TG: variants seen among roughly 807,000 people sequenced by gnomAD.
TG encodes the protein thyroglobulin, also known as thyroid hormones.
TG carries 270 observed loss-of-function variants against 324.7 expected under a neutral mutation model. The ratio of observed to expected loss-of-function variants is 0.83; its 90% CI spans 0.75 to 0.92. TG has a LOEUF of 0.92. Ranked by LOEUF, TG falls within the 40% of genes least tolerant of loss-of-function variation. The pLI, the probability that TG is intolerant of heterozygous loss-of-function variation, is 0.00. For missense variants in TG, 3,591 were observed against 3,456.4 expected (o/e 1.04, Z -0.98); for synonymous variants, 1,401 against 1,327.0 (o/e 1.06, Z -1.21).
chr8:132,977,364 A>G (rs537852862), intron 34 of TG, among the ~76,000 whole-genome samples: 2 of 152,254 alleles, frequency 1.3e-5, no homozygotes, highest in South Asian at 4.1e-4. Flanking sequence ...AATATTTTCA[A>G]TAATAGATTT....
rs116387022 is a variant in TG, at chr8:133,078,459, C to T, written c.7240-16585C>T. On this transcript the variant is annotated intron_variant, in intron 41 of 47. Transcript: ENST00000220616. ...CCACCCTAACCATTCCTCTCTCAACCATTTTCCATACTGTTCCTCAGTGAT... is the reference window on the plus strand; with the variant it reads ...CCACCCTAACCATTCCTCTCTCAACTATTTTCCATACTGTTCCTCAGTGAT... Among the ~76,000 whole-genome samples, 690 of 152,342 alleles carry T rather than the reference C, an allele frequency of 4.5e-3. 8 individuals carry two copies. The highest frequency in any genetic ancestry group is 0.016 in the African/African-American group (662 of 41,566).
chr8:133,056,616 T>A (rs1437058112), intron 41 of TG, among the ~76,000 whole-genome samples: 1 of 152,210 alleles, frequency 6.6e-6, no homozygotes, highest in Non-Finnish European at 1.5e-5. Context: ...TCATTTAAGC[T>A]TCTTGTACCT....
chr8:132,941,341 T>C lies in TG; in HGVS notation c.5042-10T>C, dbSNP rs372116376. 1 of 1,614,212 alleles carries C rather than the reference T, an allele frequency of 6.2e-7. No homozygotes were observed. The highest frequency in any genetic ancestry group is 2.2e-5 in the East Asian group (1 of 44,884). On this transcript the variant is annotated splice_polypyrimidine_tract_variant and intron_variant, in intron 25 of 47. Transcript: ENST00000220616. Reference sequence around the variant, plus strand: ...AGGTCTTTTAAAATTTTGTTCTGCCTTTCCCCCAGGCCAAGGATCCACCAC... The same window carrying C: ...AGGTCTTTTAAAATTTTGTTCTGCCCTTCCCCCAGGCCAAGGATCCACCAC...
chr8:133,091,387 A>G (rs1257601321), intron 41 of TG, among the ~76,000 whole-genome samples: 3 of 152,146 alleles, frequency 2.0e-5, no homozygotes, highest in Non-Finnish European at 4.4e-5. Context: ...GGCGGAGTCC[A>G]TCCAGAGGAC....
chr8:132,928,943 C>T (rs1822282754), intron 22 of TG, 133 bp from the exon 23 acceptor site: 3 of 769,192 alleles, frequency 3.9e-6, no homozygotes, highest in Admixed American at 3.6e-5. Context: ...AAAGGAATTG[C>T]TTTTCCTGGG....
At chr8:132,942,994 C>G (rs531870938) in intron 26 of TG, among the ~76,000 whole-genome samples, 2 of 152,150 alleles carry the variant, frequency 1.3e-5, no homozygotes, top group Non-Finnish European at 2.9e-5. Context: ...GGTATCACCT[C>G]GAGGACTGTT....
chr8:132,952,382 T>C (rs1430528534), intron 27 of TG, among the ~76,000 whole-genome samples: 3 of 152,194 alleles, frequency 2.0e-5, no homozygotes, highest in Non-Finnish European at 4.4e-5. Flanking sequence ...ACCTTCAGCC[T>C]CAGGGCCTCC....
Position 133,013,740 on chromosome 8 carries a change from G to T in TG, c.6538G>T (p.Ala2180Ser). Residue 2180 changes from alanine (A) to serine (S), a missense_variant, in exon 37 of 48, where the codon GCC becomes TCC. Physicochemically the swap from Ala to Ser is moderately conservative, Grantham distance 99 (BLOSUM62 1). Coordinates refer to ENST00000220616, the MANE Select transcript of TG (RefSeq NM_003235.5). ...QNCRLLLREE[A>S]THIYRKPGIS... is the part of the protein sequence containing the mutation. Reference sequence around the variant, plus strand: ...CTGCCGACTTCTGCTTCGTGAAGAGGCCACCCACATCTACCGGAAGCCAGG... The same window carrying T: ...CTGCCGACTTCTGCTTCGTGAAGAGTCCACCCACATCTACCGGAAGCCAGG... The T allele has an allele frequency of 6.2e-7, 1 of 1,612,184 alleles. No homozygotes were observed. The highest frequency in any genetic ancestry group is 1.1e-5 in the South Asian group (1 of 91,068).
intron 41 of TG, chr8:133,050,094 C>T: frequency 1.2e-6 from 1 of 809,934 alleles, no homozygotes; most frequent in Non-Finnish European, 2.2e-6. Context: ...TGGAACATTC[C>T]TCTTTTAAGA....
At chr8:132,988,692 C>G (rs1480002648) in intron 35 of TG, 1 of 984,692 alleles carries the variant, frequency 1.0e-6, no homozygotes, top group Non-Finnish European at 1.2e-6. Context: ...GACAAATGTA[C>G]ATTGCATCTT....
intron 41 of TG, among the ~76,000 whole-genome samples, chr8:133,061,827 A>T (rs947387674): frequency 1.3e-5 from 2 of 152,196 alleles, no homozygotes; most frequent in African/African-American, 4.8e-5. Flanking sequence ...CTCTCAGAGC[A>T]AGGCCCTCCC....
At chr8:132,890,959 GA>G (rs1341152715) in intron 10 of TG, among the ~76,000 whole-genome samples, 1 of 152,204 alleles carries the variant, frequency 6.6e-6, no homozygotes, top group Non-Finnish European at 1.5e-5. Context: ...TGTATGATGG[GA>G]AGACAGTCAG....
chr8:133,024,346 CTTTCTTTCTT>C (rs1227926579), intron 40 of TG, among the ~76,000 whole-genome samples: 1 of 121,148 alleles, frequency 8.3e-6, no homozygotes, highest in African/African-American at 3.6e-5. Flanking sequence ...TTCTTTCTTT[CTTTCTTTCTT>C]TCTTTCTTTC....
intron 43 of TG, among the ~76,000 whole-genome samples, chr8:133,097,198 G>A (rs1588087762): frequency 2.0e-5 from 3 of 152,316 alleles, no homozygotes; most frequent in East Asian, 1.9e-4. Context: ...CAGTCTAACC[G>A]GAATTTTATT....
intron 39 of TG, among the ~76,000 whole-genome samples, chr8:133,020,929 A>C (rs1835504079): frequency 1.3e-5 from 2 of 152,286 alleles, no homozygotes; most frequent in South Asian, 4.1e-4. Flanking sequence ...GTCTGAGGCC[A>C]TCATATGTGG....
At chr8:133,088,949 A>C (rs192475029) in intron 41 of TG, among the ~76,000 whole-genome samples, 1 of 152,250 alleles carries the variant, frequency 6.6e-6, no homozygotes, top group African/African-American at 2.4e-5. Context: ...TGTTTAAAAA[A>C]AGTCCATCTG....
At chr8:133,030,223 C>T (rs6998833) in intron 41 of TG, among the ~76,000 whole-genome samples, 200 bp downstream of exon 41, 22,674 of 152,146 alleles carry the variant, frequency 0.15, 2,018 homozygotes, top group African/African-American at 0.24. Flanking sequence ...TTTCCACTCA[C>T]GTCTGAAGTG....
chr8:133,085,619 TAGTC>T (rs779477912), intron 41 of TG, among the ~76,000 whole-genome samples: 24 of 152,206 alleles, frequency 1.6e-4, no homozygotes, highest in Non-Finnish European at 4.4e-5. Context: ...TTAACACTAT[TAGTC>T]AGTCATCAGA....
At chr8:132,937,011 G>T (rs1036394301) in intron 25 of TG, among the ~76,000 whole-genome samples, 6 of 151,446 alleles carry the variant, frequency 4.0e-5, no homozygotes, top group Non-Finnish European at 8.8e-5. Context: ...AAGGTCATCG[G>T]CAGATTGGAA....
Sources: gnomAD v4.1 joint callset for allele counts (sites outside exome capture counted in the v4.1 genomes callset) on GRCh38, gnomAD v4.1.1 for gene constraint, MANE v1.5 for transcripts, NCBI Gene and HGNC (gene_info 2026-07-23, HGNC 2026-07-21) for gene names.